The following PXDNL variants were observed in gnomAD, a reference collection of about 807,000 sequenced individuals.
PXDNL encodes probable oxidoreductase PXDNL.
A neutral mutation model predicts 150.8 loss-of-function variants in PXDNL; 145 were observed. That is an observed-to-expected ratio of 0.96 (90% CI 0.84 to 1.10). PXDNL has a LOEUF of 1.10. PXDNL is among the 50% of genes least tolerant of loss of function. The pLI is 0.00. For missense variants in PXDNL, 2,087 were observed against 1,873.9 expected, an observed-to-expected ratio of 1.11 and a Z score of -2.10; for synonymous variants, 757 against 725.7, an observed-to-expected ratio of 1.04 and a Z score of -0.69.
At chr8:51,416,174 T>C (rs1808794399) in intron 14 of PXDNL, among the ~76,000 whole-genome samples, 2 of 152,226 alleles carry the variant, frequency 1.3e-5, no homozygotes, top group Non-Finnish European at 2.9e-5. Flanking sequence ...ATTGGGCTAC[T>C]GCATCTGGGA....
chr8:51,788,167 G>A (rs1299020551), intron 1 of PXDNL, among the ~76,000 whole-genome samples: 3 of 152,156 alleles, frequency 2.0e-5, no homozygotes, highest in African/African-American at 7.2e-5. Flanking sequence ...ACTTTTATGC[G>A]ATATTAGCTT....
intron 7 of PXDNL, among the ~76,000 whole-genome samples, chr8:51,473,233 G>C (rs1278627699): frequency 6.9e-6 from 1 of 144,392 alleles, no homozygotes; most frequent in Non-Finnish European, 1.5e-5. Flanking sequence ...CAAGGTCTCT[G>C]TACCAAGGGG....
At chr8:51,552,553 C>T (rs1812515020) in intron 4 of PXDNL, among the ~76,000 whole-genome samples, 1 of 152,024 alleles carries the variant, frequency 6.6e-6, no homozygotes, top group Non-Finnish European at 1.5e-5. Flanking sequence ...GAACTGGAGA[C>T]CATTATTCTA....
At chr8:51,536,129 T>G (rs1273175320) in intron 4 of PXDNL, among the ~76,000 whole-genome samples, 1 of 152,212 alleles carries the variant, frequency 6.6e-6, no homozygotes, top group African/African-American at 2.4e-5. Context: ...GACCTGAAAT[T>G]TTCCTGGATA....
intron 3 of PXDNL, among the ~76,000 whole-genome samples, chr8:51,591,964 C>T (rs1813453786): frequency 6.6e-6 from 1 of 152,228 alleles, no homozygotes; most frequent in Non-Finnish European, 1.5e-5. Context: ...GTAGCACTCA[C>T]TCTAGCTGAG....
chr8:51,493,621 C>G (rs897000904), intron 5 of PXDNL, among the ~76,000 whole-genome samples: 2 of 152,160 alleles, frequency 1.3e-5, no homozygotes, highest in Non-Finnish European at 2.9e-5. Context: ...GGCACAAGAA[C>G]TACATGACGA....
intron 2 of PXDNL, among the ~76,000 whole-genome samples, chr8:51,608,709 T>G (rs184170305): frequency 6.6e-6 from 1 of 150,520 alleles, no homozygotes. Context: ...TGGTGGTGGG[T>G]GCCTGTAGTC....
chr8:51,338,515 A>G lies in PXDNL; in HGVS notation c.4146+1109T>C, dbSNP rs77093908. On this transcript the variant is annotated intron_variant, in intron 21 of 22. Transcript: ENST00000356297. ...AATGATTAAATAAATTGACTGGGTC[A>G]GGCCAATAGTGAGGGCAGAACTTCC... Among the ~76,000 whole-genome samples the G allele has an allele frequency of 2.5e-3, 388 of 152,348 alleles. 6 individuals are homozygous for G. The highest frequency in any genetic ancestry group is 8.7e-3 in the African/African-American group (362 of 41,582).
intron 1 of PXDNL, among the ~76,000 whole-genome samples, chr8:51,791,560 T>A (rs2037513684): frequency 1.3e-5 from 2 of 152,224 alleles, no homozygotes; most frequent in Admixed American, 6.5e-5. Flanking sequence ...TTCTGCTGCC[T>A]TAATTCCATC....
intron 2 of PXDNL, among the ~76,000 whole-genome samples, chr8:51,647,807 C>A (rs1585647119): frequency 6.6e-6 from 1 of 152,172 alleles, no homozygotes; most frequent in Non-Finnish European, 1.5e-5. Context: ...AAAACACTTA[C>A]AATAGTGTCT....
At chr8:51,681,845 A>C (rs1047312678) in intron 1 of PXDNL, among the ~76,000 whole-genome samples, 5 of 152,186 alleles carry the variant, frequency 3.3e-5, no homozygotes, top group Admixed American at 1.3e-4. Flanking sequence ...AGTGGGCACC[A>C]TGTTTCCACT....
chr8:51,716,124 CGG>C (rs946367853), intron 1 of PXDNL, among the ~76,000 whole-genome samples: 39 of 152,316 alleles, frequency 2.6e-4, no homozygotes, highest in African/African-American at 9.4e-4. Flanking sequence ...CAAAACTCCA[CGG>C]AGAGATTCAG....
intron 1 of PXDNL, among the ~76,000 whole-genome samples, chr8:51,731,112 T>C (rs1255689914): frequency 6.6e-6 from 1 of 152,124 alleles, no homozygotes; most frequent in Non-Finnish European, 1.5e-5. Context: ...TCAGCATTAA[T>C]ACAAAAGTCC....
chr8:51,382,255 C>T (rs545740386), intron 17 of PXDNL, among the ~76,000 whole-genome samples: 4 of 152,088 alleles, frequency 2.6e-5, no homozygotes, highest in Non-Finnish European at 2.9e-5. Context: ...CAAGGGTTGC[C>T]GGGAAACCAC....
At chr8:51,543,291 T>A (rs574108927) in intron 4 of PXDNL, among the ~76,000 whole-genome samples, 33 of 152,276 alleles carry the variant, frequency 2.2e-4, no homozygotes, top group African/African-American at 6.7e-4. Context: ...GATGATGAGA[T>A]AAAAAGTTTA....
intron 8 of PXDNL, among the ~76,000 whole-genome samples, chr8:51,461,407 A>C (rs1810080527): frequency 6.6e-6 from 1 of 152,250 alleles, no homozygotes; most frequent in South Asian, 2.1e-4. Context: ...ATCTGGGTGC[A>C]GAAGGCTTGG....
rs372183114 is a variant in PXDNL at position 51,409,247 on chromosome 8, C to T, written c.2377G>A (p.Val793Ile). ...VATVWARAAA[V>I]TPDHSYTRML... Reference sequence around the variant, plus strand: ...CGCGTGTAGCTGTGGTCGGGGGTGACGGCCGCCGCGCGCGCCCACACTGTG... The same window carrying T: ...CGCGTGTAGCTGTGGTCGGGGGTGATGGCCGCCGCGCGCGCCCACACTGTG... The change falls in exon 17 of 23, where the codon GTC (valine) becomes ATC (isoleucine). Residue 793 changes from valine (V) to isoleucine (I), a missense_variant. Physicochemically the swap from Val to Ile is conservative, Grantham distance 29. Coordinates refer to ENST00000356297, the MANE Select transcript of PXDNL (RefSeq NM_144651.5). The T allele has an allele frequency of 7.8e-5, 118 of 1,508,472 alleles. 1 individual carries two copies. In the African/African-American group the frequency reaches 1.3e-3, roughly 16 times the overall value. The allele number at this position is 1,508,472 out of a possible 1,614,324, so 93.4% of individuals were successfully genotyped here.
intron 4 of PXDNL, among the ~76,000 whole-genome samples, chr8:51,531,698 C>A (rs1363052925): frequency 6.6e-6 from 1 of 152,120 alleles, no homozygotes; most frequent in South Asian, 2.1e-4. Flanking sequence ...CAAGAAGGAG[C>A]TTAAGTCAAG....
At chr8:51,646,088 C>T (rs1422273212) in intron 2 of PXDNL, among the ~76,000 whole-genome samples, 3 of 151,996 alleles carry the variant, frequency 2.0e-5, no homozygotes, top group Admixed American at 2.0e-4. Flanking sequence ...TATGTTGATG[C>T]CCTAACCCCT....
Sources: allele counts gnomAD v4.1 joint callset (sites outside exome capture counted in the v4.1 genomes callset), GRCh38; gene constraint gnomAD v4.1.1; transcripts MANE v1.5; gene names NCBI Gene and HGNC (gene_info 2026-07-23, HGNC 2026-07-21).